The following EXOC4 variants were observed in gnomAD, a reference collection of about 807,000 sequenced individuals.
EXOC4 encodes exocyst complex component 4, also known as SEC8-like 1.
A neutral mutation model predicts 107.2 loss-of-function variants in EXOC4; 71 were observed. The ratio of observed to expected loss-of-function variants is 0.66; its 90% CI spans 0.55 to 0.81. The LOEUF is 0.81. Among genes scored for constraint, EXOC4 ranks in the 30% least tolerant of loss-of-function variants. EXOC4 has a pLI of 0.00. For missense variants in EXOC4, 1,108 were observed against 1,189.6 expected (o/e 0.93, Z 1.01); for synonymous variants, 456 against 441.2 (o/e 1.03, Z -0.42).
At chr7:133,611,439 C>A (rs1272290579) in intron 9 of EXOC4, among the ~76,000 whole-genome samples, 1 of 152,200 alleles carries the variant, frequency 6.6e-6, no homozygotes, top group African/African-American at 2.4e-5. Flanking sequence ...ACATGATCTT[C>A]TGACATTTTC....
chr7:133,792,312 G>A (rs768431310), intron 10 of EXOC4, among the ~76,000 whole-genome samples: 14 of 152,058 alleles, frequency 9.2e-5, no homozygotes, highest in Admixed American at 1.3e-4. Flanking sequence ...CAGCACTTCG[G>A]GAGGCCAAGG....
chr7:133,896,374 A>G (rs1441551741), intron 12 of EXOC4, among the ~76,000 whole-genome samples: 3 of 152,204 alleles, frequency 2.0e-5, no homozygotes, highest in South Asian at 2.1e-4. Context: ...ACATGAAACA[A>G]TTAGGGAAGA....
At chr7:133,502,303 G>A (rs1308182007) in intron 9 of EXOC4, among the ~76,000 whole-genome samples, 2 of 150,830 alleles carry the variant, frequency 1.3e-5, no homozygotes, top group Non-Finnish European at 3.0e-5. Flanking sequence ...TGGCCTATTT[G>A]CTATGCACAA....
chr7:133,374,770 A>G, intron 6 of EXOC4, 58 bp from the exon 7 acceptor site: 1 of 1,415,822 alleles, frequency 7.1e-7, no homozygotes, highest in African/African-American at 1.4e-5. Context: ...AGGTCACTGT[A>G]AGCCATTTAT....
chr7:133,820,471 T>C (rs1032214694), intron 11 of EXOC4, among the ~76,000 whole-genome samples: 24 of 152,196 alleles, frequency 1.6e-4, no homozygotes, highest in Admixed American at 1.4e-3. Context: ...TCCTTAATAT[T>C]TTATTCCCAG....
chr7:133,561,247 T>C (rs907346818), intron 9 of EXOC4, among the ~76,000 whole-genome samples: 2 of 152,200 alleles, frequency 1.3e-5, no homozygotes, highest in African/African-American at 4.8e-5. Context: ...TGGGATTGGA[T>C]TGGCCTTTAG....
At position 133,305,948 on chromosome 7, in the gene EXOC4, T is replaced by C. The variant is rs764147673; in HGVS notation, c.543T>C (p.Leu181=). ...GACTGAGTGACCTTCGACTAGAGCT[T>C]CACAGCAAGAAGATGAACCTTCACT... ...VEGLSDLRLE[L]HSKKMNLHLV... Residue 181 remains leucine (L), a synonymous_variant, in exon 4 of 18, where the codon CTT becomes CTC. Coordinates refer to ENST00000253861, the MANE Select transcript of EXOC4 (RefSeq NM_021807.4). 6.2e-7 allele frequency: 1 copy of C among 1,613,872 alleles called. No homozygotes were observed.
the EXOC4 span, among the ~76,000 whole-genome samples, chr7:134,078,441 G>A: frequency 1.3e-5 from 2 of 152,046 alleles, no homozygotes; most frequent in African/African-American, 4.8e-5. Flanking sequence ...AAATCCTGAT[G>A]TCTAATTATC....
intron 13 of EXOC4, among the ~76,000 whole-genome samples, chr7:133,924,660 A>G (rs573730669): frequency 1.3e-5 from 2 of 152,352 alleles, no homozygotes; most frequent in East Asian, 3.9e-4. Flanking sequence ...GTTATATCTC[A>G]TTATATACCA....
intron 10 of EXOC4, among the ~76,000 whole-genome samples, chr7:133,706,268 A>T (rs1794766721): frequency 6.6e-6 from 1 of 152,246 alleles, no homozygotes; most frequent in South Asian, 2.1e-4. Flanking sequence ...TGTACTAAAA[A>T]TATCCAGATA....
intron 10 of EXOC4, among the ~76,000 whole-genome samples, chr7:133,795,785 C>T (rs1585151254): frequency 2.0e-5 from 3 of 152,224 alleles, no homozygotes; most frequent in Admixed American, 6.5e-5. Context: ...CTCTATCAAC[C>T]GTGTAGTTTC....
rs560407721 is a variant in EXOC4 at position 133,419,561 on chromosome 7, A to G, written c.1182+44559A>G. ...ATTCATACACAGCCAACACTCAAGT[A>G]TTTATTTGAGTATTGTTCTGGGGAG... On this transcript the variant is annotated intron_variant, in intron 7 of 17. Transcript: ENST00000253861. Among the ~76,000 whole-genome samples, 175 of 152,204 alleles carry G rather than the reference A, an allele frequency of 1.1e-3. 1 individual carries two copies. The highest frequency in any genetic ancestry group is 0.01 in the Middle Eastern group (3 of 294).
In EXOC4 at chr7:133,356,510, C is replaced by T. The variant is rs1563033068; in HGVS notation, c.944C>T (p.Thr315Ile). The T allele has an allele frequency of 6.2e-7, 1 of 1,614,106 alleles. No individual in the cohort carries two copies. Among genetic ancestry groups the T allele is most frequent in the Admixed American group, 1.7e-5 (1 of 60,004 alleles). ...QELKQIVKRSTTQVADSGYQR... is the reference protein window; with the variant it reads ...QELKQIVKRSITQVADSGYQR... ...TTGAAGCAAATTGTGAAGAGGTCTA[C>T]AACCCAGGTGGCAGACAGTGGCTAT... The change falls in exon 6 of 18, where the codon ACA (threonine) becomes ATA (isoleucine). Residue 315 changes from threonine (T) to isoleucine (I), a missense_variant. Thr to Ile is a moderately conservative substitution (Grantham distance 89, BLOSUM62 -1). Transcript: ENST00000253861.
At chr7:133,822,112 T>C (rs920472400) in intron 11 of EXOC4, among the ~76,000 whole-genome samples, 1 of 152,232 alleles carries the variant, frequency 6.6e-6, no homozygotes, top group South Asian at 2.1e-4. Flanking sequence ...CAGAATGGCC[T>C]CCACCTGTTG....
chr7:133,343,266 G>A (rs770074547), intron 5 of EXOC4, among the ~76,000 whole-genome samples: 2 of 152,186 alleles, frequency 1.3e-5, no homozygotes, highest in South Asian at 2.1e-4. Flanking sequence ...CTTCCTGAGA[G>A]CTGGACTGCT....
intron 7 of EXOC4, among the ~76,000 whole-genome samples, chr7:133,389,513 C>T (rs1796802866): frequency 7.2e-6 from 1 of 138,730 alleles, no homozygotes; most frequent in East Asian, 2.2e-4. Context: ...GCGGAGCTTG[C>T]AGTGAGCTGA....
chr7:133,968,927 A>C (rs1390223235), intron 14 of EXOC4, among the ~76,000 whole-genome samples: 1 of 152,264 alleles, frequency 6.6e-6, no homozygotes, highest in East Asian at 1.9e-4. Context: ...TAATATCCTG[A>C]AGAGTGTTTT....
At chr7:133,783,819 T>C (rs1230821971) in intron 10 of EXOC4, among the ~76,000 whole-genome samples, 1 of 152,212 alleles carries the variant, frequency 6.6e-6, no homozygotes, top group East Asian at 1.9e-4. Flanking sequence ...TGTGATGCTT[T>C]CAAACTTTGC....
chr7:133,910,243 C>A (rs1320210925), intron 12 of EXOC4, among the ~76,000 whole-genome samples: 1 of 152,176 alleles, frequency 6.6e-6, no homozygotes, highest in Non-Finnish European at 1.5e-5. Context: ...TATATGAATT[C>A]TTGGTCCACT....
Sources: gnomAD v4.1 joint callset for allele counts (sites outside exome capture counted in the v4.1 genomes callset) on GRCh38, gnomAD v4.1.1 for gene constraint, MANE v1.5 for transcripts, NCBI Gene and HGNC (gene_info 2026-07-23, HGNC 2026-07-21) for gene names.